Variants in ALG5 observed in about 807,000 individuals in gnomAD.
ALG5 encodes ALG5 dolichyl-phosphate beta-glucosyltransferase, also known as dolichyl-phosphate beta-glucosyltransferase.
A neutral mutation model predicts 51.8 loss-of-function variants in ALG5; 26 were observed. That is an observed-to-expected ratio of 0.50 (90% CI 0.37 to 0.70). ALG5 has a LOEUF of 0.70. Among genes scored for constraint, ALG5 ranks in the 30% least tolerant of loss-of-function variants. ALG5 has a pLI of 0.00. For synonymous variants in ALG5, 141 were observed against 136.1 expected (o/e 1.04, Z -0.25); for missense variants, 311 against 399.3 (o/e 0.78, Z 1.88).
intron 1 of ALG5, among the ~76,000 whole-genome samples, chr13:36,998,568 A>T (rs753127145): frequency 3.3e-5 from 5 of 152,156 alleles, no homozygotes; most frequent in Non-Finnish European, 7.3e-5. Flanking sequence ...TTGTGTTTCG[A>T]GAGCAAGGGC....
rs2058810542 is a variant in ALG5, at chr13:36,949,810, G to A, written c.*132C>T. On this transcript the variant is annotated 3_prime_UTR_variant, in exon 10 of 10. Transcript: ENST00000239891. ...ATATATAATTTTTTACTTATGGAAAGTTATTTCTTTAAAATTATCAAAAGG... is the reference window on the plus strand; with the variant it reads ...ATATATAATTTTTTACTTATGGAAAATTATTTCTTTAAAATTATCAAAAGG... The A allele has an allele frequency of 2.1e-6, 1 of 482,396 alleles. No individual in the cohort carries two copies. The highest frequency in any genetic ancestry group is 2.0e-5 in the African/African-American group (1 of 50,516). 29.9% of individuals were successfully genotyped at this position (482,396 alleles called of 1,614,324 possible).
At chr13:36,992,262 T>G (rs1266137146) in intron 4 of ALG5, among the ~76,000 whole-genome samples, 2 of 152,140 alleles carry the variant, frequency 1.3e-5, no homozygotes, top group Non-Finnish European at 2.9e-5. Context: ...GAAAGTGGTC[T>G]TTACATCTTT....
chr13:36,983,122 C>T (rs2058987049), intron 6 of ALG5, among the ~76,000 whole-genome samples: 1 of 152,138 alleles, frequency 6.6e-6, no homozygotes, highest in Non-Finnish European at 1.5e-5. Flanking sequence ...TCCCTAACAT[C>T]AGCAAAATCA....
At chr13:36,968,139 T>C (rs987068250) in intron 7 of ALG5, 1 of 169,030 alleles carries the variant, frequency 5.9e-6, no homozygotes, top group East Asian at 1.6e-4. Flanking sequence ...CTTTGCAAAA[T>C]ATCTTAAAAT....
chr13:36,987,334 A>G (rs1355571559), intron 5 of ALG5, among the ~76,000 whole-genome samples: 1 of 152,150 alleles, frequency 6.6e-6, no homozygotes, highest in East Asian at 1.9e-4. Flanking sequence ...CATAGTTTGG[A>G]TCTGTGTCCC....
intron 5 of ALG5, among the ~76,000 whole-genome samples, chr13:36,986,665 C>T (rs75462346): frequency 6.6e-6 from 1 of 152,130 alleles, no homozygotes; most frequent in South Asian, 2.1e-4. Flanking sequence ...CTCACACCTA[C>T]TACAATCCTA....
chr13:36,993,668 C>T lies in ALG5; in HGVS notation c.290G>A (p.Arg97Gln), dbSNP rs778360678. 22 of 1,612,926 alleles carry T rather than the reference C, an allele frequency of 1.4e-5. No homozygotes were observed. Among genetic ancestry groups the T allele is most frequent in the South Asian group, 6.6e-5 (6 of 91,034 alleles). The stretch of plus-strand genomic sequence containing the variant: ...CACTTCATAAGTGAACGCAGGATCT[C>T]GTTTCTGCAAGAAACAAAAATAAAG... Reference protein sequence around the residue: ...ALSYLEKRQKRDPAFTYEVIV... With the variant: ...ALSYLEKRQKQDPAFTYEVIV... Residue 97 changes from arginine to glutamine, a missense_variant, in exon 4 of 10, where the codon CGA becomes CAA. Physicochemically the swap from Arg to Gln is conservative, Grantham distance 43. Transcript: ENST00000239891.
intron 7 of ALG5, among the ~76,000 whole-genome samples, chr13:36,971,702 A>G (rs552765388): frequency 6.6e-6 from 1 of 151,900 alleles, no homozygotes; most frequent in Non-Finnish European, 1.5e-5. Flanking sequence ...ATTACTGAAC[A>G]GATTCTCTTT....
chr13:36,999,212 C>T, intron 1 of ALG5, 23 bp downstream of exon 1: 1 of 1,554,040 alleles, frequency 6.4e-7, no homozygotes, highest in Non-Finnish European at 8.7e-7. Flanking sequence ...CCGGCCTGCG[C>T]GGGTTCCCAT....
In ALG5 at chr13:36,978,455, G is replaced by A. The variant is rs138876403; in HGVS notation, c.562-6419C>T. Among the ~76,000 whole-genome samples the A allele has an allele frequency of 7.3e-4, 111 of 151,992 alleles. 1 individual carries two copies. The highest frequency in any genetic ancestry group is 2.5e-3 in the African/African-American group (104 of 41,486). On this transcript the variant is annotated intron_variant, in intron 6 of 9. Transcript: ENST00000239891. ...GCATGCCTCAGTCTCCTGAAATGCT[G>A]GGATTACAGGCGTGAGCCACTGTGC... is the stretch of plus-strand genomic sequence containing the variant.
chr13:36,995,719 T>A, intron 1 of ALG5, 123 bp from the exon 2 acceptor site: 1 of 925,824 alleles, frequency 1.1e-6, no homozygotes, highest in Non-Finnish European at 1.6e-6. Flanking sequence ...AGGTTTTAGT[T>A]CATTAACAAT....
intron 8 of ALG5, among the ~76,000 whole-genome samples, chr13:36,958,296 G>A (rs2058849905): frequency 6.6e-6 from 1 of 152,076 alleles, no homozygotes; most frequent in Non-Finnish European, 1.5e-5. Flanking sequence ...ATGTATAGGA[G>A]TTTTTCTAAA....
chr13:36,994,179 T>C (rs891214786), intron 3 of ALG5, among the ~76,000 whole-genome samples: 8 of 152,220 alleles, frequency 5.3e-5, no homozygotes, highest in African/African-American at 1.9e-4. Context: ...AGAAGCCTCA[T>C]ACATATTAAA....
At chr13:36,983,512 G>A (rs560145824) in intron 6 of ALG5, among the ~76,000 whole-genome samples, 1 of 151,558 alleles carries the variant, frequency 6.6e-6, no homozygotes, top group Admixed American at 6.6e-5. Context: ...TCAGGAAGCT[G>A]AGGCAGGAGG....
At chr13:36,989,620 A>C (rs1046927942) in intron 4 of ALG5, 44 bp from the exon 5 acceptor site, 9 of 1,455,620 alleles carry the variant, frequency 6.2e-6, no homozygotes, top group Non-Finnish European at 8.6e-6. Flanking sequence ...ATTTGGATTA[A>C]AGAGAATTAT....
At chr13:36,977,312 C>T (rs889487063) in intron 6 of ALG5, among the ~76,000 whole-genome samples, 1 of 152,046 alleles carries the variant, frequency 6.6e-6, no homozygotes, top group Non-Finnish European at 1.5e-5. Flanking sequence ...AACTGAATTT[C>T]CCATGGTTTT....
intron 4 of ALG5, among the ~76,000 whole-genome samples, chr13:36,991,025 C>G (rs184644070): frequency 1.3e-5 from 2 of 152,334 alleles, no homozygotes; most frequent in Admixed American, 1.3e-4. Flanking sequence ...TGACTTATGG[C>G]TTCTAAGCAT....
intron 6 of ALG5, among the ~76,000 whole-genome samples, chr13:36,977,790 CA>C (rs869027711): frequency 2.6e-5 from 1 of 39,172 alleles, no homozygotes; most frequent in Non-Finnish European, 3.9e-5. Context: ...AGACTGTCTC[CA>C]AAAAAAAAAA....
At chr13:36,983,791 A>C (rs2058990112) in intron 6 of ALG5, among the ~76,000 whole-genome samples, 2 of 152,000 alleles carry the variant, frequency 1.3e-5, no homozygotes, top group East Asian at 1.9e-4. Flanking sequence ...CTAGAAAAAA[A>C]CAAAAAAAAC....
Sources: gnomAD v4.1 joint callset for allele counts (sites outside exome capture counted in the v4.1 genomes callset) on GRCh38, gnomAD v4.1.1 for gene constraint, MANE v1.5 for transcripts, NCBI Gene and HGNC (gene_info 2026-07-23, HGNC 2026-07-21) for gene names.